The following LRTM3 variants were observed in gnomAD, a reference collection of about 807,000 sequenced individuals.
LRTM3 encodes leucine rich repeat transmembrane protein 3.
the LRTM3 span, among the ~76,000 whole-genome samples, chr13:102,752,964 T>G: frequency 6.6e-6 from 1 of 152,226 alleles, no homozygotes; most frequent in East Asian, 1.9e-4. Flanking sequence ...AAGAGGAAAT[T>G]TGGACACAGA....
At chr13:102,748,281 G>A in the LRTM3 span, 5 of 1,550,942 alleles carry the variant, frequency 3.2e-6, no homozygotes, top group Non-Finnish European at 4.4e-6. Context: ...GTAACATTAA[G>A]TATCAATGGT....
chr13:102,749,545 C>A, the LRTM3 span: 1 of 1,551,386 alleles, frequency 6.4e-7, no homozygotes, highest in South Asian at 1.2e-5. Context: ...ACTCCAGGCC[C>A]TTTACTGAAT....
At chr13:102,730,466 G>C in the LRTM3 span, 3 of 1,551,236 alleles carry the variant, frequency 1.9e-6, no homozygotes, top group African/African-American at 4.1e-5. Context: ...TAAATCAACA[G>C]ATTCACATGT....
the LRTM3 span, chr13:102,741,730 C>T: frequency 2.7e-5 from 42 of 1,550,222 alleles, no homozygotes; most frequent in African/African-American, 4.1e-5. Flanking sequence ...CTAGTCTCTT[C>T]GATCCTTCTC....
At chr13:102,744,835 T>C in the LRTM3 span, 1 of 1,550,868 alleles carries the variant, frequency 6.4e-7, no homozygotes, top group Non-Finnish European at 8.7e-7. Flanking sequence ...CATGTGGTGA[T>C]TTCTGTAACT....
chr13:102,731,007 C>T, the LRTM3 span: 2 of 1,551,458 alleles, frequency 1.3e-6, no homozygotes, highest in Non-Finnish European at 1.7e-6. Flanking sequence ...CTGGGAAAGG[C>T]TTTCATTTGT....
At chr13:102,730,178 C>T in the LRTM3 span, 4 of 1,550,528 alleles carry the variant, frequency 2.6e-6, no homozygotes, top group East Asian at 9.8e-5. Flanking sequence ...ACAATGGGAA[C>T]CTGAATCTTC....
At chr13:102,730,726 A>G in the LRTM3 span, 1 of 1,551,872 alleles carries the variant, frequency 6.4e-7, no homozygotes, top group Non-Finnish European at 8.7e-7. Context: ...GTCCACCAGC[A>G]TTTACGTTTT....
At chr13:102,741,765 G>A in the LRTM3 span, 2 of 1,550,410 alleles carry the variant, frequency 1.3e-6, no homozygotes, top group East Asian at 2.4e-5. Context: ...GAAACTGAAT[G>A]TTTGGCAATG....
the LRTM3 span, chr13:102,735,739 T>C: frequency 6.5e-7 from 1 of 1,549,024 alleles, no homozygotes. Context: ...TATATGCTTT[T>C]TTGCCTGAAT....
chr13:102,742,174 A>G, the LRTM3 span: 1 of 1,550,344 alleles, frequency 6.5e-7, no homozygotes, highest in East Asian at 2.4e-5. Flanking sequence ...CTGCATTTTT[A>G]CTCAGCTGGA....
the LRTM3 span, among the ~76,000 whole-genome samples, chr13:102,754,928 A>C: frequency 2.0e-5 from 3 of 152,192 alleles, no homozygotes; most frequent in Non-Finnish European, 4.4e-5. Context: ...CCTTCAGGAA[A>C]TGCACTTCTG....
the LRTM3 span, among the ~76,000 whole-genome samples, chr13:102,755,673 A>G: frequency 6.6e-6 from 1 of 151,788 alleles, no homozygotes; most frequent in Non-Finnish European, 1.5e-5. Flanking sequence ...AGGGGAGGAA[A>G]CTTAGAGGAC....
chr13:102,755,264 A>G, the LRTM3 span, among the ~76,000 whole-genome samples: 6 of 144,434 alleles, frequency 4.2e-5, no homozygotes, highest in African/African-American at 1.0e-4. Context: ...TAAGCAAGAT[A>G]AAATCCACTC....
At chr13:102,752,211 A>G in the LRTM3 span, among the ~76,000 whole-genome samples, 3 of 152,192 alleles carry the variant, frequency 2.0e-5, no homozygotes. Context: ...CCCTCGGATC[A>G]TGCTAAAGCT....
chr13:102,737,662 T>C, the LRTM3 span: 1 of 1,550,868 alleles, frequency 6.4e-7, no homozygotes, highest in Non-Finnish European at 8.7e-7. Flanking sequence ...TCTCAGCTGA[T>C]ATTTTTACTT....
the LRTM3 span, chr13:102,744,098 C>G: frequency 6.4e-7 from 1 of 1,550,650 alleles, no homozygotes; most frequent in Non-Finnish European, 8.7e-7. Flanking sequence ...CTCTCCTATA[C>G]TTGTGTACCA....
chr13:102,749,662 A>G, the LRTM3 span: 2 of 1,551,420 alleles, frequency 1.3e-6, no homozygotes, highest in Non-Finnish European at 1.7e-6. Context: ...TCTTCATCAC[A>G]TCTTCAGGCT....
chr13:102,741,074 G>T, the LRTM3 span: 1 of 1,549,796 alleles, frequency 6.5e-7, no homozygotes, highest in Non-Finnish European at 8.7e-7. Flanking sequence ...TTCTTTCTTG[G>T]GATTTTCAAT....
Sources: gnomAD v4.1 joint callset for allele counts (sites outside exome capture counted in the v4.1 genomes callset) on GRCh38, gnomAD v4.1.1 for gene constraint, MANE v1.5 for transcripts, NCBI Gene and HGNC (gene_info 2026-07-23, HGNC 2026-07-21) for gene names.